Variants in ZFPM2 observed in about 807,000 individuals in gnomAD.
ZFPM2 encodes zinc finger protein ZFPM2.
ZFPM2 carries 20 observed loss-of-function variants against 98.6 expected under a neutral mutation model. The ratio of observed to expected loss-of-function variants is 0.20; its 90% CI spans 0.14 to 0.29. The LOEUF (loss-of-function observed/expected upper bound fraction) is 0.29, where lower values mean the gene tolerates loss of function less well. Ranked by LOEUF, ZFPM2 falls within the 10% of genes least tolerant of loss-of-function variation. The probability of loss-of-function intolerance (pLI) is 1.00; values close to 1 mark genes in which losing one functional copy is unlikely to be tolerated. For missense variants in ZFPM2, 1,310 were observed against 1,388.6 expected (o/e 0.94, Z 0.90); for synonymous variants, 518 against 502.7 (o/e 1.03, Z -0.41).
chr8:105,628,688 C>T (rs936659910), intron 4 of ZFPM2, among the ~76,000 whole-genome samples: 1 of 152,162 alleles, frequency 6.6e-6, no homozygotes, highest in African/African-American at 2.4e-5. Context: ...GACGGTCGGA[C>T]TTCAGGGGAA....
intron 3 of ZFPM2, among the ~76,000 whole-genome samples, chr8:105,543,440 T>C (rs778950167): frequency 2.6e-5 from 4 of 152,156 alleles, no homozygotes; most frequent in Non-Finnish European, 5.9e-5. Context: ...GAGCCCATCA[T>C]AACATAGAAT....
At chr8:105,800,942 T>C in intron 7 of ZFPM2, 105 bp from the exon 8 acceptor site, 1 of 1,087,686 alleles carries the variant, frequency 9.2e-7, no homozygotes, top group Non-Finnish European at 1.3e-6. Flanking sequence ...TTTGAAAGAT[T>C]TCATTCCTAT....
chr8:105,326,627 T>C (rs1260888180), intron 1 of ZFPM2, among the ~76,000 whole-genome samples: 1 of 151,712 alleles, frequency 6.6e-6, no homozygotes, highest in Non-Finnish European at 1.5e-5. Flanking sequence ...CCCATGTATG[T>C]AAAGCAAGGA....
intron 1 of ZFPM2, among the ~76,000 whole-genome samples, chr8:105,353,918 A>G (rs757709371): frequency 6.6e-6 from 1 of 152,204 alleles, no homozygotes; most frequent in African/African-American, 2.4e-5. Context: ...AAACATCAAT[A>G]AACTGTGGCT....
chr8:105,517,163 T>A (rs921696049), intron 3 of ZFPM2, among the ~76,000 whole-genome samples: 7 of 152,226 alleles, frequency 4.6e-5, no homozygotes, highest in Admixed American at 2.0e-4. Context: ...ATATTTTCAG[T>A]AAACGGAAGT....
chr8:105,415,851 C>T (rs916898810), intron 1 of ZFPM2, among the ~76,000 whole-genome samples: 11 of 152,032 alleles, frequency 7.2e-5, no homozygotes, highest in African/African-American at 2.7e-4. Context: ...TTATATAAAG[C>T]TGACACTTGC....
chr8:105,753,934 C>A (rs150760275), intron 5 of ZFPM2, among the ~76,000 whole-genome samples: 210 of 152,234 alleles, frequency 1.4e-3, no homozygotes, highest in African/African-American at 4.8e-3. Flanking sequence ...TCATTGTTAG[C>A]ATTTCTAGTG....
intron 1 of ZFPM2, among the ~76,000 whole-genome samples, chr8:105,372,343 A>G (rs1810641144): frequency 6.6e-6 from 1 of 152,092 alleles, no homozygotes; most frequent in Non-Finnish European, 1.5e-5. Context: ...CGCCCGGCCT[A>G]TTATTTTTAG....
chr8:105,462,346 C>T (rs887081842), intron 3 of ZFPM2, among the ~76,000 whole-genome samples: 15 of 152,146 alleles, frequency 9.9e-5, no homozygotes, highest in African/African-American at 3.4e-4. Flanking sequence ...AAATGGTTTA[C>T]CTGGTTTCAT....
chr8:105,777,840 G>A (rs748423238), intron 5 of ZFPM2, among the ~76,000 whole-genome samples: 3 of 152,144 alleles, frequency 2.0e-5, no homozygotes, highest in Non-Finnish European at 2.9e-5. Context: ...ACATTTATAA[G>A]CAATTTTATT....
At chr8:105,653,451 G>T (rs1008903620) in intron 5 of ZFPM2, among the ~76,000 whole-genome samples, 1 of 152,026 alleles carries the variant, frequency 6.6e-6, no homozygotes, top group East Asian at 1.9e-4. Flanking sequence ...AAATTATTCC[G>T]CCTTTTAAAA....
At chr8:105,697,951 A>G (rs572624530) in intron 5 of ZFPM2, among the ~76,000 whole-genome samples, 5 of 152,324 alleles carry the variant, frequency 3.3e-5, no homozygotes, top group South Asian at 2.1e-4. Flanking sequence ...TTTATCTTCA[A>G]ACAAGGAGAA....
intron 5 of ZFPM2, among the ~76,000 whole-genome samples, chr8:105,667,274 T>A (rs1320574567): frequency 1.3e-5 from 2 of 152,188 alleles, no homozygotes; most frequent in Admixed American, 6.5e-5. Context: ...ACTTGAAAGT[T>A]TATCTGAAGA....
chr8:105,734,229 C>T (rs546176570), intron 5 of ZFPM2, among the ~76,000 whole-genome samples: 6 of 151,906 alleles, frequency 3.9e-5, no homozygotes, highest in Non-Finnish European at 8.8e-5. Flanking sequence ...ACCCCACCAG[C>T]GATGACATAT....
chr8:105,481,086 G>A (rs1403696834), intron 3 of ZFPM2, among the ~76,000 whole-genome samples: 1 of 152,030 alleles, frequency 6.6e-6, no homozygotes, highest in Non-Finnish European at 1.5e-5. Flanking sequence ...TCACAGAAGT[G>A]GTTGCAAAGG....
At chr8:105,521,496 A>T (rs1336689281) in intron 3 of ZFPM2, among the ~76,000 whole-genome samples, 1 of 152,194 alleles carries the variant, frequency 6.6e-6, no homozygotes, top group African/African-American at 2.4e-5. Context: ...TTTAAATCAT[A>T]GAATTGATAG....
chr8:105,748,026 T>C (rs150604413), intron 5 of ZFPM2, among the ~76,000 whole-genome samples: 252 of 152,222 alleles, frequency 1.7e-3, no homozygotes, highest in African/African-American at 5.8e-3. Context: ...TTTTTTCCAT[T>C]GTTGACCATA....
At chr8:105,740,213 C>A (rs1487973698) in intron 5 of ZFPM2, among the ~76,000 whole-genome samples, 6 of 151,982 alleles carry the variant, frequency 3.9e-5, no homozygotes, top group Non-Finnish European at 8.8e-5. Context: ...TAAAATATTT[C>A]ACAAACATAC....
intron 3 of ZFPM2, among the ~76,000 whole-genome samples, chr8:105,459,925 A>G (rs918996485): frequency 6.6e-6 from 1 of 152,094 alleles, no homozygotes; most frequent in Non-Finnish European, 1.5e-5. Context: ...ACAAGGGAAG[A>G]TTTCTGGAAG....
Sources: allele counts gnomAD v4.1 joint callset (sites outside exome capture counted in the v4.1 genomes callset), GRCh38; gene constraint gnomAD v4.1.1; transcripts MANE v1.5; gene names NCBI Gene and HGNC (gene_info 2026-07-23, HGNC 2026-07-21).